The following CIT variants were observed in gnomAD, a reference collection of about 807,000 sequenced individuals.
CIT encodes the protein citron Rho-interacting kinase.
A neutral mutation model predicts 272.7 loss-of-function variants in CIT; 79 were observed. The ratio of observed to expected loss-of-function variants is 0.29; its 90% CI spans 0.24 to 0.35. The LOEUF (loss-of-function observed/expected upper bound fraction) is 0.35. Among genes scored for constraint, CIT ranks in the 10% least tolerant of loss-of-function variants. The pLI is 1.00. For synonymous variants in CIT, 948 were observed against 995.6 expected, an observed-to-expected ratio of 0.95 and a Z score of 0.90; for missense variants, 1,909 against 2,618.3, an observed-to-expected ratio of 0.73 and a Z score of 5.91.
At chr12:119,703,395 T>TTA (rs1002514151) in intron 41 of CIT, among the ~76,000 whole-genome samples, 2 of 151,270 alleles carry the variant, frequency 1.3e-5, no homozygotes, top group African/African-American at 4.9e-5. Flanking sequence ...GTAATGACCC[T>TTA]TATATATTAT....
chr12:119,687,283 G>A lies in CIT; in HGVS notation c.*949C>T, dbSNP rs915317911. 2 of 152,632 alleles carry A rather than the reference G, an allele frequency of 1.3e-5. No homozygotes were observed. Among genetic ancestry groups the A allele is most frequent in the Non-Finnish European group, 2.9e-5 (2 of 68,098 alleles). The allele number at this position is 152,632 out of a possible 1,614,324, so 9.5% of individuals were successfully genotyped here. On this transcript the variant is annotated 3_prime_UTR_variant, in exon 48 of 48. Transcript: ENST00000392521. ...ACGGGCCTCTTCCCCATCCCAGAGT[G>A]GGGAACAACACGCCGTCACAGACAA...
rs865956587 is a variant in CIT, at chr12:119,734,338, G to T, written c.3176C>A (p.Thr1059Asn). The change falls in exon 26 of 48, where the codon ACC (threonine) becomes AAC (asparagine). Residue 1059 changes from threonine (T) to asparagine (N), a missense_variant. By Grantham distance (65) the Thr-to-Asn change is moderately conservative. Coordinates refer to ENST00000392521, the MANE Select transcript of CIT (RefSeq NM_001206999.2). ...SQKQTMEALK[T>N]TCTMLEEQVM... ...CTGTTCCTCCAGCATGGTGCACGTG[G>T]TCTTCAGAGCCTCCATCGTCTGCAA... 1.2e-6 allele frequency: 2 copies of T among 1,613,114 alleles called. No homozygotes were observed. Among genetic ancestry groups the T allele is most frequent in the African/African-American group, 1.3e-5 (1 of 74,820 alleles).
At chr12:119,723,396 TTAAA>T (rs1392413280) in intron 28 of CIT, among the ~76,000 whole-genome samples, 49 of 133,868 alleles carry the variant, frequency 3.7e-4, no homozygotes, top group Non-Finnish European at 3.5e-4. Flanking sequence ...TCCCTATACA[TTAAA>T]AAAAAAAAAA....
rs980988686 is a variant in CIT, at chr12:119,751,933, T to C, written c.2904+117A>G. On this transcript the variant is annotated intron_variant, in intron 23 of 47. Coordinates refer to ENST00000392521, the MANE Select transcript of CIT (RefSeq NM_001206999.2). ...ATTTCCTGGCCACTGAATATCTTTG[T>C]GGATCATGTTTTCCCTCCTGGAATT... 37 of 902,266 alleles carry C rather than the reference T, an allele frequency of 4.1e-5. No individual in the cohort carries two copies. The African/African-American group carries it at 5.9e-4, about 14-fold the overall frequency. 55.9% of individuals were successfully genotyped at this position (902,266 alleles called of 1,614,324 possible).
intron 23 of CIT, chr12:119,742,676 T>C: frequency 2.1e-6 from 1 of 472,652 alleles, no homozygotes; most frequent in Non-Finnish European, 3.7e-6. Context: ...ATTAATTCTT[T>C]AGACCATACA....
chr12:119,845,752 C>T (rs1481418150), intron 5 of CIT, among the ~76,000 whole-genome samples: 1 of 151,544 alleles, frequency 6.6e-6, no homozygotes, highest in African/African-American at 2.4e-5. Flanking sequence ...GAGTTCAAGA[C>T]CAGCCTGGCC....
At chr12:119,695,367 G>A (rs1056549554) in intron 46 of CIT, among the ~76,000 whole-genome samples, 7 of 152,078 alleles carry the variant, frequency 4.6e-5, no homozygotes, top group Admixed American at 6.6e-5. Flanking sequence ...GCGACGCTCC[G>A]TGGAAAAGAC....
intron 7 of CIT, among the ~76,000 whole-genome samples, chr12:119,829,344 A>AAGAGAAGAGAAGAGAAGAGAAG (rs1968425438): frequency 7.5e-6 from 1 of 133,344 alleles, no homozygotes; most frequent in Non-Finnish European, 1.6e-5. Flanking sequence ...CTTGAAAGAA[A>AAGAGAAGAGAAGAGAAGAGAAG]AGAAGAGAAG....
intron 2 of CIT, among the ~76,000 whole-genome samples, chr12:119,870,549 C>CAAA (rs57894300): frequency 0.034 from 1,776 of 51,656 alleles, 118 homozygotes; most frequent in Non-Finnish European, 0.048. Context: ...GACTCCCTCT[C>CAAA]AAAAAAAAAA....
intron 23 of CIT, among the ~76,000 whole-genome samples, chr12:119,744,157 AAAAC>A (rs1295064279): frequency 2.0e-5 from 3 of 152,156 alleles, no homozygotes; most frequent in African/African-American, 4.8e-5. Flanking sequence ...GATGGTGGCA[AAAAC>A]AAACAAACAA....
rs75133625 is a variant in CIT, at chr12:119,745,670, C to T, written c.2905-3206G>A. On this transcript the variant is annotated intron_variant, in intron 23 of 47. Coordinates refer to ENST00000392521, the MANE Select transcript of CIT (RefSeq NM_001206999.2). The stretch of plus-strand genomic sequence containing the variant: ...GAAAATAGCCAGAAGAGAATTATAA[C>T]GTTCCCAACACAAAGAAAAGATAAA... Among the ~76,000 whole-genome samples, 24 of 152,148 alleles carry T rather than the reference C, an allele frequency of 1.6e-4. 1 individual carries two copies. In the East Asian group the frequency reaches 4.6e-3, roughly 29 times the overall value.
At chr12:119,824,423 T>C (rs1272332604) in intron 8 of CIT, among the ~76,000 whole-genome samples, 3 of 152,194 alleles carry the variant, frequency 2.0e-5, no homozygotes, top group Admixed American at 6.5e-5. Flanking sequence ...CTCACAGTTA[T>C]TCACAGTTAA....
rs144292523 is a variant in CIT at position 119,742,424 on chromosome 12, C to A, written c.2945G>T (p.Arg982Leu). ...ATTAATACTCACAGTACAGCTGTTA[C>A]GAAGAGCATCAAATTTGCGCTGGAT... is the stretch of plus-strand genomic sequence containing the variant. Reference protein sequence around the residue: ...DEIQRKFDALRNSCTVITDLE... With the variant: ...DEIQRKFDALLNSCTVITDLE... The change falls in exon 24 of 48, where the codon CGT becomes CTT. Residue 982 changes from arginine (R) to leucine (L), a missense_variant. Transcript: ENST00000392521. 2.5e-6 allele frequency: 4 copies of A among 1,610,176 alleles called. No individual in the cohort carries two copies. Among genetic ancestry groups the A allele is most frequent in the East Asian group, 2.2e-5 (1 of 44,804 alleles).
chr12:119,799,599 C>T (rs1966015136), intron 10 of CIT, among the ~76,000 whole-genome samples: 1 of 152,164 alleles, frequency 6.6e-6, no homozygotes, highest in Admixed American at 6.5e-5. Flanking sequence ...TAAAAACAGC[C>T]TACCCAGACA....
At chr12:119,822,034 C>T (rs534430850) in intron 9 of CIT, among the ~76,000 whole-genome samples, 1 of 152,294 alleles carries the variant, frequency 6.6e-6, no homozygotes, top group Non-Finnish European at 1.5e-5. Context: ...CACCTAGAAA[C>T]AGATTCCATT....
intron 26 of CIT, among the ~76,000 whole-genome samples, chr12:119,733,643 G>C (rs1414356126): frequency 6.6e-6 from 1 of 152,072 alleles, no homozygotes; most frequent in Non-Finnish European, 1.5e-5. Flanking sequence ...AGACATATTT[G>C]TTGTCACAAC....
chr12:119,771,382 G>A (rs1212421567), intron 17 of CIT, among the ~76,000 whole-genome samples: 1 of 152,094 alleles, frequency 6.6e-6, no homozygotes, highest in African/African-American at 2.4e-5. Context: ...GTGTTTTGCA[G>A]GAGGAAGGAC....
Position 119,713,311 on chromosome 12 carries a change from G to A in CIT, c.4488-17C>T, listed in dbSNP as rs750010973. On this transcript the variant is annotated splice_polypyrimidine_tract_variant and intron_variant, in intron 34 of 47. Transcript: ENST00000392521. The surrounding 1 kb of genome is among the most constrained non-coding windows in gnomAD (Gnocchi z 5.2). ...TTGTTATTCCTGGGGAAAGAAAGAT[G>A]GAAAAGAAAAATGTCTGAACTCAGA... The A allele has an allele frequency of 2.7e-5, 44 of 1,610,760 alleles. No individual in the cohort carries two copies. The highest frequency in any genetic ancestry group is 2.6e-5 in the Non-Finnish European group (31 of 1,177,536).
At position 119,718,178 on chromosome 12, in the gene CIT, G is replaced by C; in HGVS notation, c.4168+67C>G. On this transcript the variant is annotated intron_variant, in intron 32 of 47. Transcript: ENST00000392521. The surrounding 1 kb of genome is among the most constrained non-coding windows in gnomAD (Gnocchi z 4.8). The stretch of plus-strand genomic sequence containing the variant: ...TAATCTTTAACCCCTAGTATTACTT[G>C]TAATTTTTACCATATGCCCACATGT... The C allele has an allele frequency of 6.6e-7, 1 of 1,521,754 alleles. No individual in the cohort carries two copies. Among genetic ancestry groups the C allele is most frequent in the Non-Finnish European group, 8.9e-7 (1 of 1,126,590 alleles). 94.3% of individuals were successfully genotyped at this position (1,521,754 alleles called of 1,614,324 possible).
Sources: gnomAD v4.1 joint callset for allele counts (sites outside exome capture counted in the v4.1 genomes callset) on GRCh38, gnomAD v4.1.1 for gene constraint, Gnocchi (gnomAD v3.1) non-coding constraint, MANE v1.5 for transcripts, NCBI Gene and HGNC (gene_info 2026-07-23, HGNC 2026-07-21) for gene names.